MYL5: variants seen among roughly 807,000 people sequenced by gnomAD.
MYL5 encodes myosin regulatory light chain 5.
MYL5 carries 28 observed loss-of-function variants against 20.8 expected under a neutral mutation model. The ratio of observed to expected loss-of-function variants is 1.35; its 90% confidence interval spans 1.00 to 1.84. The LOEUF (loss-of-function observed/expected upper bound fraction) is 1.84, where lower values mean the gene tolerates loss of function less well. Ranked by LOEUF, MYL5 falls within the 40% of genes most tolerant of loss-of-function variation. MYL5 has a pLI of 0.00. For missense variants in MYL5, 274 were observed against 227.3 expected (o/e 1.21, Z -1.32); for synonymous variants, 118 against 87.4 (o/e 1.35, Z -1.95).
upstream of MYL5, among the ~76,000 whole-genome samples, chr4:677,417 G>A (rs923406408): frequency 2.6e-5 from 4 of 152,196 alleles, no homozygotes; most frequent in Non-Finnish European, 5.9e-5. Context: ...TGAGCAACGT[G>A]GCCATCTCCA....
At chr4:680,863 G>C in intron 5 of MYL5, 1 of 640,824 alleles carries the variant, frequency 1.6e-6, no homozygotes, top group Non-Finnish European at 2.7e-6. Flanking sequence ...AAAGTACCAG[G>C]CGCTGGCCTG....
At chr4:678,609 G>T (rs1158186965) in intron 1 of MYL5, 49 bp from the exon 4 acceptor site, 3 of 1,565,640 alleles carry the variant, frequency 1.9e-6, no homozygotes, top group Non-Finnish European at 2.6e-6. Context: ...TGCCCTGGAG[G>T]GTTTCGTCAG....
exon 7 of MYL5, chr4:681,931 G>C: frequency 7.5e-7 from 1 of 1,326,880 alleles, no homozygotes; most frequent in South Asian, 2.5e-5. Flanking sequence ...TCGATGTGGC[G>C]GGCAACCTGG....
chr4:678,720 T>C (rs757464162), exon 2 of MYL5: 1 of 1,612,362 alleles, frequency 6.2e-7, no homozygotes, highest in East Asian at 2.2e-5. Context: ...CCTCATCCAA[T>C]GTCTTCTCCA....
chr4:681,964 G>A, exon 7 of MYL5: 1 of 1,373,054 alleles, frequency 7.3e-7, no homozygotes. Flanking sequence ...TCAGCTACGT[G>A]ATCACCCACG....
chr4:681,973 C>CGGGGAGGAG (rs750358529), exon 7 of MYL5: 1 of 1,396,034 alleles, frequency 7.2e-7, no homozygotes, highest in South Asian at 1.7e-5. Flanking sequence ...TGATCACCCA[C>CGGGGAGGAG]GGGGAGGAGA....
intron 6 of MYL5, 51 bp downstream of exon 8, chr4:681,191 C>A: frequency 6.4e-7 from 1 of 1,571,576 alleles, no homozygotes; most frequent in Non-Finnish European, 8.6e-7. Flanking sequence ...GCGGGGCTCC[C>A]GGGGTCAGCT....
upstream of MYL5, among the ~76,000 whole-genome samples, chr4:677,755 G>C (rs768632000): frequency 6.6e-6 from 1 of 152,152 alleles, no homozygotes. Flanking sequence ...AAGCCTCCCC[G>C]GGGTTCGGGG....
At chr4:678,627 A>G (rs1473610592) in intron 1 of MYL5, 31 bp from the exon 4 acceptor site, 20 of 1,584,030 alleles carry the variant, frequency 1.3e-5, no homozygotes, top group Non-Finnish European at 1.7e-5. Flanking sequence ...CAGCCAGCCC[A>G]GGACCCTCAG....
At chr4:677,055 A>G, upstream of MYL5, 2 of 390,832 alleles carry the variant, frequency 5.1e-6, no homozygotes, top group African/African-American at 2.2e-5. Context: ...CAGGGATCCC[A>G]CCTGCTGTTG....
exon 4 of MYL5, chr4:680,000 T>C (rs751054586): frequency 8.1e-6 from 13 of 1,612,906 alleles, no homozygotes; most frequent in Non-Finnish European, 1.1e-5. Context: ...TCTGAACCTG[T>C]TTGGGGAGAA....
intron 5 of MYL5, 43 bp downstream of exon 7, chr4:680,630 C>G: frequency 6.3e-7 from 1 of 1,589,522 alleles, no homozygotes. Context: ...TCCGGGGAAC[C>G]CCAGTGATCT....
Position 677,975 on chromosome 4 carries a change from T to C in MYL5, c.-52T>C. Reference sequence around the variant, plus strand: ...TGGGGGACCAAGCAGGAGCTTAAGATGGGCAAGACCTGGGGCCCTGGGCAG... The same window carrying C: ...TGGGGGACCAAGCAGGAGCTTAAGACGGGCAAGACCTGGGGCCCTGGGCAG... On this transcript the variant is annotated 5_prime_UTR_variant, in exon 1 of 7. An upstream start codon of the reference 5' UTR is lost. Coordinates refer to ENST00000400159, the Ensembl canonical transcript of MYL5. The C allele has an allele frequency of 1.9e-6, 3 of 1,613,122 alleles. No homozygotes were observed. Among genetic ancestry groups the C allele is most frequent in the East Asian group, 2.2e-5 (1 of 44,852 alleles).
At chr4:677,575 G>T (rs983623682), upstream of MYL5, among the ~76,000 whole-genome samples, 4 of 152,250 alleles carry the variant, frequency 2.6e-5, no homozygotes, top group African/African-American at 9.6e-5. Flanking sequence ...CTGACAGACA[G>T]AGTGTGCTTG....
rs536856301 is a variant in MYL5, at chr4:681,898, C to T, written c.426C>T (p.Asp142=). ...CCTTTCGCCCCCGCCCGCAGGTGGA[C>T]CAGATGTTCCAGTTCGCCTCCATCG... Residue 142 remains aspartate (D), a synonymous_variant, in exon 7 of 7, where the codon GAC becomes GAT. Transcript: ENST00000400159. 49 of 1,315,918 alleles carry T rather than the reference C, an allele frequency of 3.7e-5. No homozygotes were observed. In the South Asian group the frequency reaches 1.3e-3, roughly 34 times the overall value. The allele number at this position is 1,315,918 out of a possible 1,614,324, so 81.5% of individuals were successfully genotyped here.
upstream of MYL5, chr4:675,277 T>TGGCACCCCCTCCACGTTCTG (rs1440152752): frequency 6.6e-6 from 1 of 152,442 alleles, no homozygotes; most frequent in Non-Finnish European, 1.5e-5. Context: ...GGCAGGAGCC[T>TGGCACCCCCTCCACGTTCTG]GGCACCCCCT....
At chr4:681,344 C>T (rs1485522111) in intron 6 of MYL5, among the ~76,000 whole-genome samples, 1 of 152,050 alleles carries the variant, frequency 6.6e-6, no homozygotes, top group Non-Finnish European at 1.5e-5. Context: ...AGACCCCTCC[C>T]CTCCGTTAGA....
upstream of MYL5, chr4:674,592 C>T (rs561202403): frequency 2.8e-5 from 11 of 386,468 alleles, no homozygotes; most frequent in Non-Finnish European, 4.3e-5. Context: ...GCTGCCGAGG[C>T]CCCGCCGTCC....
At chr4:681,410 G>T (rs1739500771) in intron 6 of MYL5, among the ~76,000 whole-genome samples, 1 of 151,984 alleles carries the variant, frequency 6.6e-6, no homozygotes, top group Non-Finnish European at 1.5e-5. Flanking sequence ...GGAGGGGCGG[G>T]GCTCACAGCT....
Sources: allele counts gnomAD v4.1 joint callset (sites outside exome capture counted in the v4.1 genomes callset), GRCh38; gene constraint gnomAD v4.1.1; transcripts MANE v1.5; gene names NCBI Gene and HGNC (gene_info 2026-07-23, HGNC 2026-07-21).